The following CNOT1 variants were observed in gnomAD, a reference collection of about 807,000 sequenced individuals.
CNOT1 encodes CCR4-NOT transcription complex subunit 1.
CNOT1 carries 15 observed loss-of-function variants against 273.8 expected under a neutral mutation model. That is an observed-to-expected ratio of 0.05 (90% CI 0.04 to 0.08). The LOEUF is 0.08. CNOT1 is among the 10% of genes least tolerant of loss of function. The pLI, the probability that CNOT1 is intolerant of heterozygous loss-of-function variation, is 1.00. For missense variants in CNOT1, 1,644 were observed against 2,912.2 expected, an observed-to-expected ratio of 0.56 and a Z score of 10.02; for synonymous variants, 1,022 against 1,005.5, an observed-to-expected ratio of 1.02 and a Z score of -0.31.
intron 1 of CNOT1, among the ~76,000 whole-genome samples, chr16:58,602,565 A>ACAAAC (rs1567437571): frequency 7.4e-6 from 1 of 135,652 alleles, no homozygotes. Flanking sequence ...AAAAAAAAAA[A>ACAAAC]AAAAAAAAAA....
intron 46 of CNOT1, among the ~76,000 whole-genome samples, chr16:58,524,445 G>A (rs1279300949): frequency 6.6e-6 from 1 of 151,802 alleles, no homozygotes; most frequent in Non-Finnish European, 1.5e-5. Context: ...TTTCTCTAAA[G>A]GCTGCCGTCC....
At chr16:58,524,803 T>C (rs37053) in intron 46 of CNOT1, among the ~76,000 whole-genome samples, 37,526 of 152,060 alleles carry the variant, frequency 0.25, 5,043 homozygotes, top group East Asian at 0.38. Flanking sequence ...TCTTTATACA[T>C]GAACATTTAA....
intron 21 of CNOT1, among the ~76,000 whole-genome samples, chr16:58,554,868 G>A (rs1410873324): frequency 6.8e-6 from 1 of 146,864 alleles, no homozygotes; most frequent in African/African-American, 2.6e-5. Flanking sequence ...CTCAGGAGGC[G>A]GAAGGTGCAG....
chr16:58,526,711 G>A (rs866608316), intron 44 of CNOT1, among the ~76,000 whole-genome samples: 17 of 151,482 alleles, frequency 1.1e-4, no homozygotes, highest in Middle Eastern at 3.2e-3. Flanking sequence ...AGCTGCTCGG[G>A]AGTCTGAGGC....
intron 34 of CNOT1, among the ~76,000 whole-genome samples, chr16:58,540,679 A>G (rs889225388): frequency 1.3e-5 from 2 of 152,220 alleles, no homozygotes; most frequent in Non-Finnish European, 2.9e-5. Context: ...TAAGGTTATT[A>G]GTATTCATTT....
In CNOT1 at chr16:58,520,937, A is replaced by G; in HGVS notation, c.*21T>C. On this transcript the variant is annotated 3_prime_UTR_variant, in exon 49 of 49. Transcript: ENST00000317147. ...CAGTGAGACCTCTAGACTGACACGT[A>G]CAACAGAGATGCAGTTTCGTCTAAC... 1 of 1,610,578 alleles carries G rather than the reference A, an allele frequency of 6.2e-7. No individual in the cohort carries two copies.
intron 16 of CNOT1, among the ~76,000 whole-genome samples, chr16:58,560,823 G>C (rs953185293): frequency 5.3e-5 from 8 of 152,102 alleles, no homozygotes; most frequent in Non-Finnish European, 1.5e-5. Flanking sequence ...TCAGGAGTTC[G>C]AGACCAGCCT....
intron 35 of CNOT1, among the ~76,000 whole-genome samples, 196 bp from the exon 36 acceptor site, chr16:58,539,110 T>TC (rs2039999458): frequency 6.6e-6 from 1 of 151,788 alleles, no homozygotes; most frequent in Non-Finnish European, 1.5e-5. Flanking sequence ...CATTCTGTGC[T>TC]CTTCATTGTC....
At chr16:58,548,672 T>C (rs1162215925) in intron 25 of CNOT1, 1 of 507,786 alleles carries the variant, frequency 2.0e-6, no homozygotes, top group Admixed American at 2.0e-5. Flanking sequence ...GAGCAAAGAA[T>C]GACCACAGCT....
intron 24 of CNOT1, among the ~76,000 whole-genome samples, chr16:58,550,267 G>A (rs186014088): frequency 2.0e-5 from 3 of 152,138 alleles, no homozygotes; most frequent in Admixed American, 6.5e-5. Flanking sequence ...CCATCTACAG[G>A]AATCCTTAGC....
Position 58,589,028 on chromosome 16 carries a change from T to C in CNOT1, c.103-122A>G, listed in dbSNP as rs531748818. 514 of 1,256,140 alleles carry C rather than the reference T, an allele frequency of 4.1e-4. 3 individuals carry two copies. In the African/African-American group the frequency reaches 7.2e-3, roughly 18 times the overall value. 77.8% of individuals were successfully genotyped at this position (1,256,140 alleles called of 1,614,324 possible). A position where few individuals can be genotyped will look rare whatever the true frequency, so the allele number is the denominator to read the frequency against. On this transcript the variant is annotated intron_variant, in intron 2 of 48. Transcript: ENST00000317147. ...CCAATTTACATTAGTTACTCATTTT[T>C]GAATTAAAGTTAAAGGAATTATTGA...
intron 1 of CNOT1, among the ~76,000 whole-genome samples, chr16:58,621,421 GCGCCACCA>G (rs2043311151): frequency 1.3e-5 from 2 of 151,796 alleles, no homozygotes; most frequent in Admixed American, 6.6e-5. Context: ...TTACAGGCAC[GCGCCACCA>G]CGCCCAACTA....
Position 58,532,326 on chromosome 16 carries a change from G to T in CNOT1, c.5965C>A (p.Pro1989Thr). 1 of 1,614,160 alleles carries T rather than the reference G, an allele frequency of 6.2e-7. No individual in the cohort carries two copies. Among genetic ancestry groups the T allele is most frequent in the Non-Finnish European group, 8.5e-7 (1 of 1,180,022 alleles). Reference protein sequence around the residue: ...DVRQSEFQQLPYHRIFIMLLL... With the variant: ...DVRQSEFQQLTYHRIFIMLLL... Reference sequence around the variant, plus strand: ...AGCATGATAAAAATTCGATGGTAGGGAAGTTGCTGAAATTCACTCTGACGA... The same window carrying T: ...AGCATGATAAAAATTCGATGGTAGGTAAGTTGCTGAAATTCACTCTGACGA... The change falls in exon 41 of 49, where the codon CCC (proline) becomes ACC (threonine). Residue 1989 changes from proline (P) to threonine (T), a missense_variant. By Grantham distance (38) the Pro-to-Thr change is conservative. Coordinates refer to ENST00000317147, the MANE Select transcript of CNOT1 (RefSeq NM_016284.5).
intron 1 of CNOT1, among the ~76,000 whole-genome samples, chr16:58,627,788 A>G (rs1056206613): frequency 6.6e-6 from 1 of 152,176 alleles, no homozygotes; most frequent in African/African-American, 2.4e-5. Context: ...AGGTAAGAAA[A>G]GGAAATATTT....
At chr16:58,573,442 T>C (rs1490038189) in intron 16 of CNOT1, among the ~76,000 whole-genome samples, 1 of 151,698 alleles carries the variant, frequency 6.6e-6, no homozygotes, top group Non-Finnish European at 1.5e-5. Context: ...AAATTCAACG[T>C]AATCCTCTCA....
rs1045902677 is a variant in CNOT1, at chr16:58,542,767, CTTATCAGTTTATTGTGAACATGCCTTAAA to C, written c.4435-228_4435-200del. On this transcript the variant is annotated intron_variant, in intron 31 of 48. Coordinates refer to ENST00000317147, the MANE Select transcript of CNOT1 (RefSeq NM_016284.5). The stretch of plus-strand genomic sequence containing the variant: ...TTTAAGACAAAAATATCCTAGACAC[CTTATCAGTTTATTGTGAACATGCCTTAAA>C]ATCAGTAAAGCAGGCCAGACGCGGT... Among the ~76,000 whole-genome samples, 10 of 152,236 alleles carry C rather than the reference CTTATCAGTTTATTGTGAACATGCCTTAAA, an allele frequency of 6.6e-5. No individual in the cohort carries two copies. In the East Asian group the frequency reaches 1.2e-3, roughly 18 times the overall value.
intron 1 of CNOT1, among the ~76,000 whole-genome samples, chr16:58,608,667 C>CGT (rs2042778535): frequency 1.3e-5 from 2 of 151,746 alleles, no homozygotes; most frequent in African/African-American, 2.4e-5. Flanking sequence ...TACTTGCACA[C>CGT]GTTTACAGCA....
chr16:58,551,433 G>C (rs1360588708), intron 23 of CNOT1, among the ~76,000 whole-genome samples, 156 bp downstream of exon 23: 1 of 152,146 alleles, frequency 6.6e-6, no homozygotes, highest in Admixed American at 6.5e-5. Flanking sequence ...TTTGCCTCTG[G>C]GAAATATAAG....
At chr16:58,526,269 C>T (rs1328799034) in intron 44 of CNOT1, 131 bp from the exon 45 acceptor site, 37 of 798,060 alleles carry the variant, frequency 4.6e-5, no homozygotes, top group Non-Finnish European at 5.8e-5. Context: ...ACAGCTGCCA[C>T]ATTTTATTAA....
Sources: gnomAD v4.1 joint callset for allele counts (sites outside exome capture counted in the v4.1 genomes callset) on GRCh38, gnomAD v4.1.1 for gene constraint, MANE v1.5 for transcripts, NCBI Gene and HGNC (gene_info 2026-07-23, HGNC 2026-07-21) for gene names.